NFIB: variants seen among roughly 807,000 people sequenced by gnomAD.
The protein encoded by NFIB is nuclear factor 1 B-type.
NFIB carries 11 observed loss-of-function variants against 61.5 expected under a neutral mutation model. The ratio of observed to expected loss-of-function variants is 0.18; its 90% CI spans 0.11 to 0.30. The LOEUF is 0.30. Among genes scored for constraint, NFIB ranks in the 10% least tolerant of loss-of-function variants. The pLI, the probability that NFIB is intolerant of heterozygous loss-of-function variation, is 1.00. For synonymous variants in NFIB, 260 were observed against 216.5 expected (o/e 1.20, Z -1.76); for missense variants, 471 against 608.9 (o/e 0.77, Z 2.38).
At chr9:14,186,131 G>A (rs980276467) in intron 2 of NFIB, among the ~76,000 whole-genome samples, 3 of 152,184 alleles carry the variant, frequency 2.0e-5, no homozygotes, top group African/African-American at 7.2e-5. Flanking sequence ...TGCAAAGAAG[G>A]AGCTGTACAA....
At chr9:14,333,400 C>T (rs1438335320) in intron 1 of NFIB, among the ~76,000 whole-genome samples, 2 of 152,116 alleles carry the variant, frequency 1.3e-5, no homozygotes, top group African/African-American at 4.8e-5. Flanking sequence ...CAGACTTTTT[C>T]TTCACCCCTC....
intron 1 of NFIB, among the ~76,000 whole-genome samples, chr9:14,327,946 G>A (rs192581433): frequency 2.6e-4 from 40 of 152,348 alleles, no homozygotes; most frequent in Non-Finnish European, 8.8e-5. Flanking sequence ...AGAGAAGGGA[G>A]CAGTGGTAGA....
At chr9:14,274,193 T>C (rs2057828988) in intron 2 of NFIB, among the ~76,000 whole-genome samples, 1 of 150,224 alleles carries the variant, frequency 6.7e-6, no homozygotes, top group South Asian at 2.1e-4. Context: ...TCCTCCTAAG[T>C]GATCTTTTCT....
intron 2 of NFIB, chr9:14,180,754 T>C (rs1429934085): frequency 1.3e-5 from 2 of 152,258 alleles, no homozygotes; most frequent in African/African-American, 2.4e-5. Flanking sequence ...GCAGAGATTC[T>C]GTCTACTTCT....
intron 10 of NFIB, among the ~76,000 whole-genome samples, chr9:14,093,738 G>A (rs1381836866): frequency 6.6e-6 from 1 of 152,006 alleles, no homozygotes; most frequent in Non-Finnish European, 1.5e-5. Flanking sequence ...AAACCTGTTG[G>A]GAAAACTGTG....
intron 1 of NFIB, among the ~76,000 whole-genome samples, chr9:14,359,948 C>T (rs1413979115): frequency 6.6e-6 from 1 of 152,176 alleles, no homozygotes; most frequent in Non-Finnish European, 1.5e-5. Flanking sequence ...TTAAATATTA[C>T]ATATTATATG....
At chr9:14,476,927 C>T in the NFIB span, among the ~76,000 whole-genome samples, 1 of 152,254 alleles carries the variant, frequency 6.6e-6, no homozygotes, top group South Asian at 2.1e-4. Context: ...GATTATAGCT[C>T]ATAATGTTTG....
At chr9:14,467,797 A>G in the NFIB span, among the ~76,000 whole-genome samples, 4 of 152,194 alleles carry the variant, frequency 2.6e-5, no homozygotes, top group African/African-American at 9.6e-5. Context: ...CAGGAGGCCA[A>G]ACATCTTACA....
chr9:14,521,505 G>C, the NFIB span, among the ~76,000 whole-genome samples: 1 of 152,126 alleles, frequency 6.6e-6, no homozygotes, highest in African/African-American at 2.4e-5. Flanking sequence ...TGTGAAATGG[G>C]AATTACATAT....
At chr9:14,308,347 C>T (rs967741077) in intron 1 of NFIB, among the ~76,000 whole-genome samples, 1 of 151,352 alleles carries the variant, frequency 6.6e-6, no homozygotes, top group Non-Finnish European at 1.5e-5. Context: ...CACACACTTG[C>T]ACTCTCCTGC....
the NFIB span, among the ~76,000 whole-genome samples, chr9:14,523,727 T>C: frequency 7.5e-3 from 1,139 of 152,254 alleles, 40 homozygotes; most frequent in Admixed American, 0.066. Flanking sequence ...CCCTGAACGA[T>C]CTCAGTCAGT....
At chr9:14,110,667 T>C (rs1380722665) in intron 10 of NFIB, among the ~76,000 whole-genome samples, 1 of 152,132 alleles carries the variant, frequency 6.6e-6, no homozygotes, top group Non-Finnish European at 1.5e-5. Context: ...TAATCTTTAC[T>C]GAAGTCATTT....
intron 1 of NFIB, among the ~76,000 whole-genome samples, chr9:14,330,019 C>T (rs943036743): frequency 4.0e-5 from 6 of 151,842 alleles, no homozygotes; most frequent in Admixed American, 2.0e-4. Context: ...CTCAGCTACT[C>T]GGGAAGCTGA....
At chr9:14,451,270 G>C in the NFIB span, among the ~76,000 whole-genome samples, 4 of 152,148 alleles carry the variant, frequency 2.6e-5, no homozygotes, top group African/African-American at 9.7e-5. Flanking sequence ...TGGATAGGTA[G>C]GTGTTCACCA....
intron 2 of NFIB, among the ~76,000 whole-genome samples, chr9:14,246,570 T>A (rs1478735960): frequency 6.6e-6 from 1 of 152,172 alleles, no homozygotes; most frequent in African/African-American, 2.4e-5. Flanking sequence ...ATTTGTAGAG[T>A]GAATGCCCAT....
At chr9:14,122,815 C>T (rs1166893749) in intron 7 of NFIB, among the ~76,000 whole-genome samples, 2 of 152,108 alleles carry the variant, frequency 1.3e-5, no homozygotes, top group East Asian at 3.9e-4. Context: ...AAATCAAACC[C>T]GAACTCACAT....
At chr9:14,449,416 A>T in the NFIB span, among the ~76,000 whole-genome samples, 316 of 152,306 alleles carry the variant, frequency 2.1e-3, 1 homozygote, top group African/African-American at 7.3e-3. Flanking sequence ...ATCTCCTCAA[A>T]TGAGTTCAAT....
chr9:14,179,597 T>C lies in NFIB; in HGVS notation c.616+130A>G, dbSNP rs541911074. On this transcript the variant is annotated intron_variant, in intron 3 of 10. Coordinates refer to ENST00000380953, the MANE Select transcript of NFIB (RefSeq NM_001190737.2). ...TGCAAAGGGCCTAAGCACAATCACA[T>C]CTTGTCCCGATCATACCTGCCTGCC... is the stretch of plus-strand genomic sequence containing the variant. The C allele has an allele frequency of 1.1e-5, 10 of 884,260 alleles. No homozygotes were observed. In the East Asian group the frequency reaches 2.1e-4, roughly 19 times the overall value. 54.8% of individuals were successfully genotyped at this position (884,260 alleles called of 1,614,324 possible). A position where few individuals can be genotyped will look rare whatever the true frequency, so the allele number is the denominator to read the frequency against.
At chr9:14,502,560 G>A in the NFIB span, among the ~76,000 whole-genome samples, 2 of 152,250 alleles carry the variant, frequency 1.3e-5, no homozygotes, top group African/African-American at 4.8e-5. Context: ...AAATGGGTAC[G>A]TAAGTCATCT....
Sources: allele counts gnomAD v4.1 joint callset (sites outside exome capture counted in the v4.1 genomes callset), GRCh38; gene constraint gnomAD v4.1.1; transcripts MANE v1.5; gene names NCBI Gene and HGNC (gene_info 2026-07-23, HGNC 2026-07-21).